Variants in PPP4R2 observed in about 807,000 individuals in gnomAD.
PPP4R2 encodes protein phosphatase 4 regulatory subunit 2.
In PPP4R2, 13 loss-of-function variants were observed where a neutral mutation model predicts 47.2. The observed-to-expected ratio is 0.28, with a 90% CI of 0.18 to 0.44. The LOEUF (loss-of-function observed/expected upper bound fraction) is 0.44, where lower values mean the gene tolerates loss of function less well. PPP4R2 is among the 20% of genes least tolerant of loss of function. The pLI is 1.00. For synonymous variants in PPP4R2, 151 were observed against 163.3 expected, an observed-to-expected ratio of 0.92 and a Z score of 0.57; for missense variants, 421 against 491.2, an observed-to-expected ratio of 0.86 and a Z score of 1.35.
intron 3 of PPP4R2, among the ~76,000 whole-genome samples, chr3:73,056,098 A>G (rs1031564876): frequency 1.1e-4 from 16 of 152,320 alleles, no homozygotes; most frequent in African/African-American, 3.8e-4. Context: ...AGAATAAACT[A>G]TTTTGTATGC....
At chr3:73,061,162 GTAAT>G in intron 5 of PPP4R2, 102 bp downstream of exon 5, 1 of 499,772 alleles carries the variant, frequency 2.0e-6, no homozygotes, top group Non-Finnish European at 3.3e-6. Flanking sequence ...TATTTAATAT[GTAAT>G]TAAGTGTGAT....
At chr3:73,008,313 A>C (rs1268913542) in intron 2 of PPP4R2, among the ~76,000 whole-genome samples, 5 of 152,184 alleles carry the variant, frequency 3.3e-5, no homozygotes. Context: ...CAGTGAGTGA[A>C]GTTATTAAGA....
chr3:73,015,523 TGGAGTGCA>T (rs1428582703), intron 2 of PPP4R2, among the ~76,000 whole-genome samples: 1 of 150,250 alleles, frequency 6.7e-6, no homozygotes, highest in Non-Finnish European at 1.5e-5. Context: ...TCGCCCAGGC[TGGAGTGCA>T]GTGGCATGAT....
intron 2 of PPP4R2, chr3:73,014,873 T>C (rs764292244): frequency 1.4e-5 from 7 of 509,012 alleles, no homozygotes; most frequent in Non-Finnish European, 2.1e-5. Context: ...TGTGTATTTA[T>C]TTATTCATTT....
rs3087299 is a variant in PPP4R2, at chr3:73,068,369, GATATATAT to G, written c.*2656_*2663del. 2 of 149,608 alleles carry G rather than the reference GATATATAT, an allele frequency of 1.3e-5. No individual in the cohort carries two copies. The highest frequency in any genetic ancestry group is 3.0e-5 in the Non-Finnish European group (2 of 67,256). 9.3% of individuals were successfully genotyped at this position (149,608 alleles called of 1,614,324 possible). On this transcript the variant is annotated 3_prime_UTR_variant, in exon 9 of 9. Transcript: ENST00000356692. ...TTGAAGATGGTGATGAGGAAAGTGA[GATATATAT>G]ATATATATGTATTATGTTTCTAGCA...
In PPP4R2 at chr3:73,067,595, T is replaced by C. The variant is rs1029035546; in HGVS notation, c.*1873T>C. The C allele has an allele frequency of 5.9e-5, 9 of 152,294 alleles. No individual in the cohort carries two copies. Among genetic ancestry groups the C allele is most frequent in the African/African-American group, 2.2e-4 (9 of 41,588 alleles). The allele number at this position is 152,294 out of a possible 1,614,324, so 9.4% of individuals were successfully genotyped here. A position where few individuals can be genotyped will look rare whatever the true frequency, so the allele number is the denominator to read the frequency against. ...TCAAAAATGTTAAAATGAGGCAAAT[T>C]TAAGTTTACAAATTTTGAAATTTTC... On this transcript the variant is annotated 3_prime_UTR_variant, in exon 9 of 9. Transcript: ENST00000356692.
chr3:73,068,975 A>G lies in PPP4R2; in HGVS notation c.*3253A>G, dbSNP rs938238515. 19 of 152,236 alleles carry G rather than the reference A, an allele frequency of 1.2e-4. No individual in the cohort carries two copies. Among genetic ancestry groups the G allele is most frequent in the African/African-American group, 3.9e-4 (16 of 41,460 alleles). 9.4% of individuals were successfully genotyped at this position (152,236 alleles called of 1,614,324 possible). On this transcript the variant is annotated 3_prime_UTR_variant, in exon 9 of 9. Coordinates refer to ENST00000356692, the MANE Select transcript of PPP4R2 (RefSeq NM_174907.4). ...AAGATTTGTGCTAATCATAAAATGA[A>G]TGAATGCAAAACACCTTGTAATTTC...
At chr3:73,038,153 G>A (rs1392681118) in intron 2 of PPP4R2, among the ~76,000 whole-genome samples, 1 of 152,136 alleles carries the variant, frequency 6.6e-6, no homozygotes, top group African/African-American at 2.4e-5. Flanking sequence ...TAAAAAGCAG[G>A]AGCAAAAGTG....
At chr3:73,043,904 A>G (rs1335077602) in intron 2 of PPP4R2, among the ~76,000 whole-genome samples, 1 of 152,248 alleles carries the variant, frequency 6.6e-6, no homozygotes, top group Non-Finnish European at 1.5e-5. Flanking sequence ...ACATTAAAGA[A>G]TAAGTCCCTT....
chr3:73,058,960 A>C, intron 3 of PPP4R2, 77 bp from the exon 4 acceptor site: 1 of 877,590 alleles, frequency 1.1e-6, no homozygotes, highest in Non-Finnish European at 1.8e-6. Flanking sequence ...ATACAGCTTT[A>C]CCTAGCAAAA....
chr3:73,063,099 G>A (rs1702905354), intron 5 of PPP4R2: 2 of 577,528 alleles, frequency 3.5e-6, no homozygotes, highest in South Asian at 4.7e-5. Flanking sequence ...TTGGGGAGCT[G>A]TCACCACGAA....
At chr3:73,005,415 T>C (rs1018990542) in intron 2 of PPP4R2, among the ~76,000 whole-genome samples, 1 of 151,726 alleles carries the variant, frequency 6.6e-6, no homozygotes, top group Non-Finnish European at 1.5e-5. Flanking sequence ...TTTTAAAAAA[T>C]ATTAAATATT....
intron 2 of PPP4R2, among the ~76,000 whole-genome samples, chr3:73,041,934 C>G (rs555784084): frequency 1.3e-5 from 2 of 152,028 alleles, no homozygotes; most frequent in South Asian, 4.2e-4. Flanking sequence ...GAAAAAAGGT[C>G]AATGTAAAAT....
chr3:73,016,418 T>G (rs6777301), intron 2 of PPP4R2, among the ~76,000 whole-genome samples: 18 of 151,894 alleles, frequency 1.2e-4, no homozygotes, highest in African/African-American at 3.9e-4. Context: ...CTATATTGCT[T>G]AGGACACTCC....
Position 73,065,141 on chromosome 3 carries a change from G to C in PPP4R2, c.928G>C (p.Glu310Gln), listed in dbSNP as rs1458598851. 2.5e-6 allele frequency: 4 copies of C among 1,598,404 alleles called. No homozygotes were observed. Among genetic ancestry groups the C allele is most frequent in the African/African-American group, 1.3e-5 (1 of 74,272 alleles). ...DEEEDEEEEEESFMTSREMIP... is the reference protein window; with the variant it reads ...DEEEDEEEEEQSFMTSREMIP... The stretch of plus-strand genomic sequence containing the variant: ...AGAAGAGGATGAAGAGGAAGAAGAA[G>C]GTATTTAGAGACCATCTGTAAAAGG... Residue 310 changes from glutamate (E) to glutamine (Q), a missense_variant and splice_region_variant, in exon 8 of 9, where the codon GAG (glutamate) becomes CAG (glutamine). Around this residue, in one of 2 missense-constraint regions of PPP4R2, gnomAD observed 317 missense variants for 287.5 expected, o/e 1.10. Transcript: ENST00000356692.
Position 73,018,407 on chromosome 3 carries a change from C to CGTT in PPP4R2, c.116+20250_116+20252dup, listed in dbSNP as rs1553646431. 6.2e-5 allele frequency among the ~76,000 whole-genome samples: 6 copies of CGTT among 96,114 alleles called. No homozygotes were observed. The East Asian group carries it at 1.2e-3, about 20-fold the overall frequency. 63.1% of individuals were successfully genotyped at this position (96,114 alleles called of 152,430 possible). On this transcript the variant is annotated intron_variant, in intron 2 of 8. Coordinates refer to ENST00000356692, the MANE Select transcript of PPP4R2 (RefSeq NM_174907.4). Reference sequence around the variant, plus strand: ...CAAGGGATGACTCTGCTGTCATAGTCGTTATGTTATGTTATGTTATGTTAT... The same window carrying CGTT: ...CAAGGGATGACTCTGCTGTCATAGTCGTTGTTATGTTATGTTATGTTATGTTAT...
intron 3 of PPP4R2, among the ~76,000 whole-genome samples, chr3:73,047,970 G>T (rs1367213185): frequency 6.6e-6 from 1 of 152,154 alleles, no homozygotes; most frequent in Non-Finnish European, 1.5e-5. Context: ...TCTGTCTCCT[G>T]GGTTCAAGCA....
chr3:73,064,155 GTT>G lies in PPP4R2; in HGVS notation c.638+12_638+13del. 6.3e-7 allele frequency: 1 copy of G among 1,594,952 alleles called. No individual in the cohort carries two copies. Among genetic ancestry groups the G allele is most frequent in the Non-Finnish European group, 8.5e-7 (1 of 1,173,904 alleles). On this transcript the variant is annotated intron_variant, in intron 7 of 8. Transcript: ENST00000356692. Reference sequence around the variant, plus strand: ...GAGGAGAAAAATCACAGGTTTGTATGTTTTATATTTAAAAACAGTGTTTTTAT... The same window carrying G: ...GAGGAGAAAAATCACAGGTTTGTATGTTATATTTAAAAACAGTGTTTTTAT...
chr3:73,002,603 A>AT (rs1331457674), intron 2 of PPP4R2, among the ~76,000 whole-genome samples: 1 of 89,670 alleles, frequency 1.1e-5, no homozygotes, highest in African/African-American at 4.2e-5. Context: ...GTGCACAGGG[A>AT]TTTTTCTTTT....
Sources: allele counts gnomAD v4.1 joint callset (sites outside exome capture counted in the v4.1 genomes callset), GRCh38; gene constraint gnomAD v4.1.1; regional missense constraint gnomAD v4.1.1; transcripts MANE v1.5; gene names NCBI Gene and HGNC (gene_info 2026-07-23, HGNC 2026-07-21).